RTN1: variants seen among roughly 807,000 people sequenced by gnomAD.
RTN1 encodes the protein reticulon 1.
Under a neutral mutation model 65.5 loss-of-function variants are expected in RTN1, and 25 were observed. That is an observed-to-expected ratio of 0.38 (90% CI 0.28 to 0.53). The LOEUF is 0.53. RTN1 is among the 20% of genes least tolerant of loss of function. The pLI is 0.79. For synonymous variants in RTN1, 471 were observed against 447.6 expected (o/e 1.05, Z -0.66); for missense variants, 983 against 1,025.4 (o/e 0.96, Z 0.57).
At chr14:59,679,280 T>C (rs1287670621) in intron 3 of RTN1, among the ~76,000 whole-genome samples, 1 of 152,234 alleles carries the variant, frequency 6.6e-6, no homozygotes, top group Non-Finnish European at 1.5e-5. Flanking sequence ...TACAGCCCTC[T>C]CTGCTAAATT....
In RTN1 at chr14:59,727,114, C is replaced by A. The variant is rs145742655; in HGVS notation, c.1570G>T (p.Asp524Tyr). The change falls in exon 3 of 9, where the codon GAC (aspartate) becomes TAC (tyrosine). Residue 524 changes from aspartate (D) to tyrosine (Y), a missense_variant. Around this residue, in one of 2 missense-constraint regions of RTN1, gnomAD observed 818 missense variants for 801.8 expected, o/e 1.02. Transcript: ENST00000267484. The surrounding 1 kb of genome is among the most constrained non-coding windows in gnomAD (Gnocchi z 4.2). ...GGCTGGGGCTCAGTTGAGGGGTAGT[C>A]GAGGAAGGAACCCGGCTCGGCCAGG... ...RGLAEPGSFL[D>Y]YPSTEPQPGP... 3.1e-6 allele frequency: 5 copies of A among 1,608,964 alleles called. No individual in the cohort carries two copies. The highest frequency in any genetic ancestry group is 3.4e-6 in the Non-Finnish European group (4 of 1,177,856).
At chr14:59,677,678 A>T (rs565007717) in intron 3 of RTN1, among the ~76,000 whole-genome samples, 4 of 152,324 alleles carry the variant, frequency 2.6e-5, no homozygotes, top group African/African-American at 9.6e-5. Context: ...CAAAGATGAT[A>T]TGGACCTGCC....
At chr14:59,808,632 C>A (rs538319090) in intron 1 of RTN1, among the ~76,000 whole-genome samples, 4 of 152,156 alleles carry the variant, frequency 2.6e-5, no homozygotes, top group African/African-American at 9.6e-5. Flanking sequence ...GATCTGTGTC[C>A]CCACCCAAGT....
At chr14:59,695,384 G>C (rs1044832684) in intron 3 of RTN1, among the ~76,000 whole-genome samples, 12 of 152,164 alleles carry the variant, frequency 7.9e-5, no homozygotes, top group Non-Finnish European at 1.3e-4. Flanking sequence ...GGGATGTGAG[G>C]GAACACGATG....
intron 8 of RTN1, among the ~76,000 whole-genome samples, chr14:59,600,365 G>C (rs1439890124): frequency 1.3e-5 from 2 of 152,136 alleles, no homozygotes; most frequent in Non-Finnish European, 2.9e-5. Flanking sequence ...CAAGAACCCT[G>C]TGTGGTATTA....
chr14:59,749,360 A>ATATATATC (rs1885339650), intron 1 of RTN1, among the ~76,000 whole-genome samples: 3 of 26,886 alleles, frequency 1.1e-4, no homozygotes, highest in African/African-American at 4.3e-4. Context: ...ATATATATCT[A>ATATATATC]TATATATATC....
In RTN1 at chr14:59,790,965, C is replaced by T. The variant is rs1014889516; in HGVS notation, c.242-44484G>A. 2.0e-5 allele frequency among the ~76,000 whole-genome samples: 3 copies of T among 152,254 alleles called. No individual in the cohort carries two copies. The highest frequency in any genetic ancestry group is 6.5e-5 in the Admixed American group (1 of 15,290). On this transcript the variant is annotated intron_variant, in intron 1 of 8. Transcript: ENST00000267484. This position sits in a 1 kb window ranked among gnomAD's most constrained non-coding sequence, Gnocchi z 4.1. The stretch of plus-strand genomic sequence containing the variant: ...TTCTAATTATTTATTACTTTGGTAG[C>T]AATATCATTTTGGCCCTCAATTCAT...
chr14:59,668,679 G>C (rs1370313776), intron 3 of RTN1, among the ~76,000 whole-genome samples: 1 of 152,176 alleles, frequency 6.6e-6, no homozygotes, highest in Middle Eastern at 3.4e-3. Flanking sequence ...CTACAGAATC[G>C]GAGAAAATTT....
At chr14:59,655,062 T>C (rs1883095468) in intron 3 of RTN1, among the ~76,000 whole-genome samples, 1 of 152,136 alleles carries the variant, frequency 6.6e-6, no homozygotes. Flanking sequence ...TGTAGAAACT[T>C]CTAAGGAATC....
chr14:59,796,999 A>T (rs528101141), intron 1 of RTN1, among the ~76,000 whole-genome samples: 19 of 152,292 alleles, frequency 1.2e-4, no homozygotes, highest in African/African-American at 4.6e-4. Flanking sequence ...ATATGAACTC[A>T]ATTGCAAATT....
chr14:59,797,787 C>A (rs999932724), intron 1 of RTN1, among the ~76,000 whole-genome samples: 3 of 152,084 alleles, frequency 2.0e-5, no homozygotes, highest in Non-Finnish European at 4.4e-5. Flanking sequence ...TTTTGCCTAG[C>A]GTCATCTTTG....
chr14:59,839,657 A>G (rs1887275403), intron 1 of RTN1, among the ~76,000 whole-genome samples: 1 of 152,188 alleles, frequency 6.6e-6, no homozygotes, highest in South Asian at 2.1e-4. Context: ...ATCTGTTGAA[A>G]TAAATCAAAA....
chr14:59,605,219 T>C, intron 5 of RTN1, 149 bp downstream of exon 5: 1 of 748,120 alleles, frequency 1.3e-6, no homozygotes, highest in Non-Finnish European at 2.1e-6. Flanking sequence ...ATTAGACTGG[T>C]TCATGGTGCC....
intron 3 of RTN1, among the ~76,000 whole-genome samples, chr14:59,720,262 A>C (rs1566697821): frequency 6.6e-6 from 1 of 151,508 alleles, no homozygotes; most frequent in Non-Finnish European, 1.5e-5. Context: ...TAAAAAAAAA[A>C]CATAGATCGA....
chr14:59,705,959 C>G (rs947015433), intron 3 of RTN1, among the ~76,000 whole-genome samples: 4 of 152,164 alleles, frequency 2.6e-5, no homozygotes, highest in South Asian at 2.1e-4. Context: ...GCTTTTCCTT[C>G]CAAGGCACAG....
At chr14:59,770,241 GGT>G (rs943400507) in intron 1 of RTN1, among the ~76,000 whole-genome samples, 2 of 151,820 alleles carry the variant, frequency 1.3e-5, no homozygotes, top group Non-Finnish European at 2.9e-5. Flanking sequence ...AGCTGGGCAT[GGT>G]GCTGCACGCC....
At chr14:59,607,518 G>A (rs1460059452) in intron 3 of RTN1, 26 bp from the exon 4 acceptor site, 2 of 1,573,134 alleles carry the variant, frequency 1.3e-6, no homozygotes, top group Non-Finnish European at 1.7e-6. Flanking sequence ...AACACACCCA[G>A]CTGAGCTCCC....
At chr14:59,810,409 A>T (rs1355565945) in intron 1 of RTN1, among the ~76,000 whole-genome samples, 1 of 152,182 alleles carries the variant, frequency 6.6e-6, no homozygotes, top group Non-Finnish European at 1.5e-5. Context: ...AACATGAAGT[A>T]CATATGCCTA....
intron 1 of RTN1, among the ~76,000 whole-genome samples, chr14:59,749,618 TAG>T (rs565856813): frequency 0.016 from 682 of 42,574 alleles, 29 homozygotes; most frequent in African/African-American, 0.095. Context: ...TATATTTATA[TAG>T]ATATCTATAT....
Sources: allele counts gnomAD v4.1 joint callset (sites outside exome capture counted in the v4.1 genomes callset), GRCh38; gene constraint gnomAD v4.1.1; regional missense constraint gnomAD v4.1.1; non-coding constraint Gnocchi (gnomAD v3.1); transcripts MANE v1.5; gene names NCBI Gene and HGNC (gene_info 2026-07-23, HGNC 2026-07-21).